The following CAMK4 variants were observed in gnomAD, a reference collection of about 807,000 sequenced individuals.
CAMK4 encodes calcium/calmodulin-dependent protein kinase type IV.
A neutral mutation model predicts 44.9 loss-of-function variants in CAMK4; 22 were observed. The ratio of observed to expected loss-of-function variants is 0.49; its 90% confidence interval spans 0.35 to 0.70. The LOEUF is 0.70. Among genes scored for constraint, CAMK4 ranks in the 30% least tolerant of loss-of-function variants. CAMK4 has a pLI of 0.01. For missense variants in CAMK4, 498 were observed against 586.8 expected, an observed-to-expected ratio of 0.85 and a Z score of 1.56; for synonymous variants, 218 against 215.4, an observed-to-expected ratio of 1.01 and a Z score of -0.11.
intron 7 of CAMK4, among the ~76,000 whole-genome samples, chr5:111,466,528 A>T (rs1754841647): frequency 6.6e-6 from 1 of 152,202 alleles, no homozygotes; most frequent in South Asian, 2.1e-4. Context: ...ATGTACACAA[A>T]TCAGTAGCTC....
At chr5:111,255,493 T>G (rs1397431071) in intron 1 of CAMK4, among the ~76,000 whole-genome samples, 1 of 152,228 alleles carries the variant, frequency 6.6e-6, no homozygotes, top group East Asian at 1.9e-4. Flanking sequence ...GAACTGTTTA[T>G]CTTTGCTGAC....
At chr5:111,354,683 C>T (rs368881872) in intron 2 of CAMK4, among the ~76,000 whole-genome samples, 2 of 151,812 alleles carry the variant, frequency 1.3e-5, no homozygotes, top group South Asian at 4.2e-4. Flanking sequence ...GGCAACAGAG[C>T]GAGACTCTGT....
intron 5 of CAMK4, among the ~76,000 whole-genome samples, chr5:111,410,262 G>A (rs1303364156): frequency 6.6e-6 from 1 of 152,168 alleles, no homozygotes; most frequent in Non-Finnish European, 1.5e-5. Context: ...TGGCAGAAGG[G>A]GAAGCAAGAC....
intron 1 of CAMK4, among the ~76,000 whole-genome samples, chr5:111,236,605 C>T (rs1340206518): frequency 1.3e-5 from 2 of 152,232 alleles, no homozygotes; most frequent in Non-Finnish European, 2.9e-5. Context: ...CTTCATATCT[C>T]TGTGGTGTTA....
intron 2 of CAMK4, 59 bp from the exon 3 acceptor site, chr5:111,374,791 C>G: frequency 2.8e-6 from 3 of 1,059,588 alleles, no homozygotes; most frequent in Non-Finnish European, 4.4e-6. Flanking sequence ...GTTTCTATTT[C>G]TCTGCTACAA....
intron 1 of CAMK4, among the ~76,000 whole-genome samples, chr5:111,261,850 TG>T (rs1749991991): frequency 6.6e-6 from 1 of 152,162 alleles, no homozygotes; most frequent in African/African-American, 2.4e-5. Flanking sequence ...TGTGCCAATC[TG>T]GGGACTATGA....
At chr5:111,452,720 C>G (rs992260263) in intron 7 of CAMK4, among the ~76,000 whole-genome samples, 2 of 152,108 alleles carry the variant, frequency 1.3e-5, no homozygotes, top group African/African-American at 4.8e-5. Flanking sequence ...GGCTTATTTT[C>G]TATTATTATT....
At chr5:111,316,516 G>T (rs920542524) in intron 1 of CAMK4, among the ~76,000 whole-genome samples, 8 of 152,252 alleles carry the variant, frequency 5.3e-5, no homozygotes, top group Admixed American at 5.2e-4. Flanking sequence ...TTGAGTGATT[G>T]ATCTTCCTCT....
chr5:111,467,169 C>G (rs1204660284), intron 7 of CAMK4, among the ~76,000 whole-genome samples: 1 of 151,942 alleles, frequency 6.6e-6, no homozygotes, highest in Non-Finnish European at 1.5e-5. Flanking sequence ...CATCCCTCAC[C>G]TTATACAAAA....
intron 5 of CAMK4, among the ~76,000 whole-genome samples, chr5:111,429,174 A>C (rs1333052734): frequency 6.6e-6 from 1 of 152,168 alleles, no homozygotes; most frequent in East Asian, 1.9e-4. Context: ...GTGAAAAAAA[A>C]GTGCAAAAGA....
At chr5:111,414,543 C>T (rs1752747570) in intron 5 of CAMK4, among the ~76,000 whole-genome samples, 2 of 151,756 alleles carry the variant, frequency 1.3e-5, no homozygotes, top group African/African-American at 4.8e-5. Context: ...ATTTTGCTAG[C>T]CTGATTCAGG....
Position 111,473,384 on chromosome 5 carries a change from C to G in CAMK4, c.699C>G (p.Ile233Met). 1 of 1,583,516 alleles carries G rather than the reference C, an allele frequency of 6.3e-7. No homozygotes were observed. The highest frequency in any genetic ancestry group is 8.7e-7 in the Non-Finnish European group (1 of 1,152,764). ...GGTCTGTAGGAATAATCACCTACAT[C>G]TTGTAAGTGAAGAAAAGCAATATTT... ...DMWSVGIITY[I>M]LLCGFEPFYD... is the part of the protein sequence containing the mutation. The change falls in exon 8 of 11, where the codon ATC (isoleucine) becomes ATG (methionine). Residue 233 changes from isoleucine to methionine, a missense_variant and splice_region_variant. By Grantham distance (10) the Ile-to-Met change is conservative (BLOSUM62 1). Transcript: ENST00000282356.
chr5:111,338,662 C>T (rs1029221991), intron 1 of CAMK4, among the ~76,000 whole-genome samples: 4 of 151,112 alleles, frequency 2.6e-5, no homozygotes, highest in Non-Finnish European at 4.5e-5. Context: ...AGGGAGGGTC[C>T]AGTTTCTTCT....
At chr5:111,354,515 C>T (rs1376036205) in intron 2 of CAMK4, among the ~76,000 whole-genome samples, 1 of 151,076 alleles carries the variant, frequency 6.6e-6, no homozygotes, top group Non-Finnish European at 1.5e-5. Context: ...TTTTGCAATG[C>T]GTACATCAGA....
intron 4 of CAMK4, among the ~76,000 whole-genome samples, chr5:111,378,899 C>T (rs1009409555): frequency 1.6e-5 from 2 of 128,794 alleles, no homozygotes; most frequent in African/African-American, 2.5e-5. Context: ...CTCTTGTTCA[C>T]ATGTTCCCAT....
intron 1 of CAMK4, among the ~76,000 whole-genome samples, chr5:111,289,267 A>C (rs990209131): frequency 6.6e-6 from 1 of 152,214 alleles, no homozygotes. Flanking sequence ...AATTGCTTGA[A>C]CCGGGGAGGC....
chr5:111,490,087 TTG>T lies in CAMK4; in HGVS notation c.*5625_*5626del, dbSNP rs1755764193. Reference sequence around the variant, plus strand: ...ACATTTAATCGTTGCTTGTGATTCATTGTGTCAAAATAACATTTAATTTTCAC... The same window carrying T: ...ACATTTAATCGTTGCTTGTGATTCATTGTCAAAATAACATTTAATTTTCAC... On this transcript the variant is annotated 3_prime_UTR_variant, in exon 11 of 11. Coordinates refer to ENST00000282356, the MANE Select transcript of CAMK4 (RefSeq NM_001744.6). 1 of 152,230 alleles carries T rather than the reference TTG, an allele frequency of 6.6e-6. No homozygotes were observed. Among genetic ancestry groups the T allele is most frequent in the African/African-American group, 2.4e-5 (1 of 41,466 alleles). The allele number at this position is 152,230 out of a possible 1,614,324, so 9.4% of individuals were successfully genotyped here. A position where few individuals can be genotyped will look rare whatever the true frequency, so the allele number is the denominator to read the frequency against.
chr5:111,413,156 C>T (rs1752689038), intron 5 of CAMK4, among the ~76,000 whole-genome samples: 1 of 152,036 alleles, frequency 6.6e-6, no homozygotes, highest in African/African-American at 2.4e-5. Context: ...ATTCAGAAAA[C>T]CTGCCTAACA....
intron 1 of CAMK4, among the ~76,000 whole-genome samples, chr5:111,240,391 G>C (rs1748933815): frequency 6.6e-6 from 1 of 151,768 alleles, no homozygotes; most frequent in African/African-American, 2.4e-5. Context: ...TACATCACAT[G>C]GAAGAGACTT....
Sources: gnomAD v4.1 joint callset for allele counts (sites outside exome capture counted in the v4.1 genomes callset) on GRCh38, gnomAD v4.1.1 for gene constraint, MANE v1.5 for transcripts, NCBI Gene and HGNC (gene_info 2026-07-23, HGNC 2026-07-21) for gene names.